The following PRIM2 variants were observed in gnomAD, a reference collection of about 807,000 sequenced individuals.
The protein encoded by PRIM2 is DNA primase subunit 2.
A neutral mutation model predicts 67.3 loss-of-function variants in PRIM2; 39 were observed. The ratio of observed to expected loss-of-function variants is 0.58; its 90% CI spans 0.45 to 0.76. The LOEUF (loss-of-function observed/expected upper bound fraction) is 0.76. Among genes scored for constraint, PRIM2 ranks in the 30% least tolerant of loss-of-function variants. PRIM2 has a pLI of 0.00. For missense variants in PRIM2, 398 were observed against 598.7 expected (o/e 0.66, Z 3.50); for synonymous variants, 143 against 198.7 (o/e 0.72, Z 2.36).
intron 5 of PRIM2, among the ~76,000 whole-genome samples, chr6:57,379,137 T>C (rs1195936604): frequency 8.6e-6 from 1 of 116,182 alleles, no homozygotes; most frequent in East Asian, 2.3e-4. Context: ...TTTTGATAGA[T>C]GGAAAATAGT....
the PRIM2 span, among the ~76,000 whole-genome samples, chr6:57,260,695 G>A: frequency 2.6e-5 from 4 of 152,260 alleles, no homozygotes; most frequent in South Asian, 8.3e-4. Flanking sequence ...TGTTGGAAAT[G>A]GGTACAATGG....
At chr6:57,406,909 G>A (rs7752543) in intron 7 of PRIM2, among the ~76,000 whole-genome samples, 94,667 of 149,614 alleles carry the variant, frequency 0.63, 30,174 homozygotes, top group South Asian at 0.72. Flanking sequence ...GTATAAGATT[G>A]TATTTGTTGA....
chr6:57,573,460 A>G lies in PRIM2; in HGVS notation c.1021-27633A>G, dbSNP rs1192361360. ...TAAATGATTAAATTTGAATTAATAT[A>G]TATTAAAGTTCTTCAGGAACAGCAT... On this transcript the variant is annotated intron_variant, in intron 10 of 13. Transcript: ENST00000615550. Among the ~76,000 whole-genome samples the G allele has an allele frequency of 4.5e-3, 681 of 152,250 alleles. 6 individuals are homozygous for G. Among genetic ancestry groups the G allele is most frequent in the Non-Finnish European group, 7.6e-3 (517 of 68,036 alleles).
chr6:57,257,563 G>A, the PRIM2 span, among the ~76,000 whole-genome samples: 16 of 152,238 alleles, frequency 1.1e-4, no homozygotes, highest in East Asian at 2.5e-3. Flanking sequence ...GAGCCATCGC[G>A]CCCAGACTGT....
chr6:57,472,457 C>T (rs1773361492), intron 7 of PRIM2, among the ~76,000 whole-genome samples: 1 of 151,474 alleles, frequency 6.6e-6, no homozygotes, highest in African/African-American at 2.4e-5. Context: ...ACTGAGTCTC[C>T]TAAAGAGGGC....
intron 12 of PRIM2, among the ~76,000 whole-genome samples, chr6:57,607,594 C>CAAT (rs1776586575): frequency 6.6e-6 from 1 of 151,978 alleles, no homozygotes; most frequent in East Asian, 1.9e-4. Context: ...ATGGTGGCAC[C>CAAT]AATACATAAA....
At chr6:57,637,918 C>T (rs1777153280) in intron 13 of PRIM2, among the ~76,000 whole-genome samples, 2 of 152,106 alleles carry the variant, frequency 1.3e-5, no homozygotes, top group South Asian at 4.1e-4. Context: ...AGATACTCCT[C>T]AAGAAGAACA....
chr6:57,231,866 A>C, the PRIM2 span, among the ~76,000 whole-genome samples: 2 of 152,048 alleles, frequency 1.3e-5, no homozygotes, highest in African/African-American at 4.8e-5. Flanking sequence ...AAAAAAAAAA[A>C]CCACTAGTAC....
chr6:57,577,075 G>A (rs1318555988), intron 10 of PRIM2, among the ~76,000 whole-genome samples: 1 of 152,080 alleles, frequency 6.6e-6, no homozygotes, highest in Non-Finnish European at 1.5e-5. Flanking sequence ...CATATTTTAA[G>A]CAAATTAAAA....
chr6:57,262,954 TGTGGGATGGAA>T, the PRIM2 span, among the ~76,000 whole-genome samples: 3 of 152,222 alleles, frequency 2.0e-5, no homozygotes, highest in South Asian at 6.2e-4. Context: ...TATCAACCAC[TGTGGGATGGAA>T]GTGGGATGGT....
the PRIM2 span, among the ~76,000 whole-genome samples, chr6:57,237,543 T>A: frequency 6.6e-6 from 1 of 152,178 alleles, no homozygotes; most frequent in African/African-American, 2.4e-5. Context: ...GTTTTTATGG[T>A]TTTAGGTCTA....
At chr6:57,503,242 T>C in intron 7 of PRIM2, among the ~76,000 whole-genome samples, 1 of 152,264 alleles carries the variant, frequency 6.6e-6, no homozygotes, top group Middle Eastern at 3.4e-3. Context: ...GTAAGAAAAT[T>C]AATCAGATAA....
chr6:57,324,062 T>A, intron 3 of PRIM2, 139 bp from the exon 4 acceptor site: 1 of 559,156 alleles, frequency 1.8e-6, no homozygotes, highest in South Asian at 2.2e-5. Context: ...CCAGTCTGGG[T>A]GGTAGAGCAA....
At chr6:57,332,765 A>G (rs1768095044) in intron 5 of PRIM2, among the ~76,000 whole-genome samples, 1 of 151,972 alleles carries the variant, frequency 6.6e-6, no homozygotes. Flanking sequence ...GTTTGAATCT[A>G]AAGTGTGTTT....
intron 7 of PRIM2, among the ~76,000 whole-genome samples, chr6:57,385,178 A>G (rs1327084458): frequency 1.3e-5 from 2 of 152,134 alleles, no homozygotes; most frequent in Admixed American, 1.3e-4. Flanking sequence ...GAGAAAAGAC[A>G]GAACTTGGGT....
At chr6:57,533,499 A>G (rs1774934954) in intron 9 of PRIM2, among the ~76,000 whole-genome samples, 2 of 152,376 alleles carry the variant, frequency 1.3e-5, no homozygotes, top group South Asian at 4.1e-4. Flanking sequence ...TAATATGTCT[A>G]GAAATAACAG....
the PRIM2 span, among the ~76,000 whole-genome samples, chr6:57,233,495 A>C: frequency 6.6e-6 from 1 of 152,192 alleles, no homozygotes; most frequent in Non-Finnish European, 1.5e-5. Flanking sequence ...AAAATGCGTA[A>C]AATGATCACT....
At chr6:57,382,213 C>T (rs1328030256) in intron 7 of PRIM2, 45 bp downstream of exon 7, 2 of 1,587,694 alleles carry the variant, frequency 1.3e-6, no homozygotes, top group Non-Finnish European at 1.7e-6. Context: ...TTCACACTTT[C>T]AGTTATATAC....
At chr6:57,595,971 G>GC (rs1776358514) in intron 10 of PRIM2, among the ~76,000 whole-genome samples, 1 of 151,866 alleles carries the variant, frequency 6.6e-6, no homozygotes, top group South Asian at 2.1e-4. Context: ...CTGGTGACCA[G>GC]CCCCCATCTA....
Sources: gnomAD v4.1 joint callset for allele counts (sites outside exome capture counted in the v4.1 genomes callset) on GRCh38, gnomAD v4.1.1 for gene constraint, MANE v1.5 for transcripts, NCBI Gene and HGNC (gene_info 2026-07-23, HGNC 2026-07-21) for gene names.